Variants in SEMA6B observed in about 807,000 individuals in gnomAD.
The protein encoded by SEMA6B is semaphorin-6B.
SEMA6B carries 47 observed loss-of-function variants against 78.6 expected under a neutral mutation model. The observed-to-expected ratio is 0.60, with a 90% CI of 0.47 to 0.76. SEMA6B has a LOEUF of 0.76. Ranked by LOEUF, SEMA6B falls within the 30% of genes least tolerant of loss-of-function variation. The probability of loss-of-function intolerance (pLI) is 0.00; values close to 1 mark genes in which losing one functional copy is unlikely to be tolerated. For missense variants in SEMA6B, 1,213 were observed against 1,269.9 expected (o/e 0.96, Z 0.68); for synonymous variants, 632 against 592.2 (o/e 1.07, Z -0.98).
Position 4,547,841 on chromosome 19 carries a change from C to A in SEMA6B, c.1601+186G>T, listed in dbSNP as rs549656474. 5.9e-5 allele frequency among the ~76,000 whole-genome samples: 9 copies of A among 152,330 alleles called. No homozygotes were observed. The South Asian group carries it at 1.4e-3, about 25-fold the overall frequency. ...CTTGCTCACTGTGCTCCAGCCACAC[C>A]GGCCACCTTGCTGTTCTTCCAACAC... On this transcript the variant is annotated intron_variant, in intron 14 of 16. Transcript: ENST00000586582.
rs982427013 is a variant in SEMA6B, at chr19:4,542,845, G to A, written c.*756C>T. The A allele has an allele frequency of 7.1e-6, 5 of 701,714 alleles. No individual in the cohort carries two copies. Among genetic ancestry groups the A allele is most frequent in the African/African-American group, 1.8e-5 (1 of 57,142 alleles). The allele number at this position is 701,714 out of a possible 1,614,324, so 43.5% of individuals were successfully genotyped here. ...CTGCTGCCGATGTGACTTCCGGGCA[G>A]GCCCTCCTCGTGTCTCCTGCCTGAA... On this transcript the variant is annotated 3_prime_UTR_variant, in exon 17 of 17. Coordinates refer to ENST00000586582, the MANE Select transcript of SEMA6B (RefSeq NM_032108.4).
chr19:4,543,912 C>G lies in SEMA6B; in HGVS notation c.2356G>C (p.Asp786His), dbSNP rs1977090110. The G allele has an allele frequency of 1.8e-5, 22 of 1,201,984 alleles. No individual in the cohort carries two copies. Among genetic ancestry groups the G allele is most frequent in the Non-Finnish European group, 2.3e-5 (22 of 969,294 alleles). 74.5% of individuals were successfully genotyped at this position (1,201,984 alleles called of 1,614,324 possible). The change falls in exon 17 of 17, where the codon GAC (aspartate) becomes CAC (histidine). Residue 786 changes from aspartate to histidine, a missense_variant. Asp to His is a moderately conservative substitution (Grantham distance 81, BLOSUM62 -1). Coordinates refer to ENST00000586582, the MANE Select transcript of SEMA6B (RefSeq NM_032108.4). ...AARPGRASHG[D>H]FPLTPHASPD... ...CTGGCGTGGGGGGTGAGCGGGAAGTCGCCGTGGGAGGCGCGGCCGGGCCGG... is the reference window on the plus strand; with the variant it reads ...CTGGCGTGGGGGGTGAGCGGGAAGTGGCCGTGGGAGGCGCGGCCGGGCCGG...
intron 14 of SEMA6B, 130 bp from the exon 15 acceptor site, chr19:4,546,599 A>T: frequency 2.6e-6 from 1 of 380,462 alleles, no homozygotes; most frequent in Non-Finnish European, 4.4e-6. Flanking sequence ...TTAATTTTTG[A>T]GACGGAATTT....
At position 4,550,342 on chromosome 19, in the gene SEMA6B, T is replaced by C; in HGVS notation, c.1122-70A>G. 3 of 1,532,446 alleles carry C rather than the reference T, an allele frequency of 2.0e-6. No homozygotes were observed. The highest frequency in any genetic ancestry group is 2.8e-5 in the African/African-American group (2 of 72,666). The allele number at this position is 1,532,446 out of a possible 1,614,324, so 94.9% of individuals were successfully genotyped here. A position where few individuals can be genotyped will look rare whatever the true frequency, so the allele number is the denominator to read the frequency against. On this transcript the variant is annotated intron_variant, in intron 11 of 16. Coordinates refer to ENST00000586582, the MANE Select transcript of SEMA6B (RefSeq NM_032108.4). The surrounding 1 kb of genome is among the most constrained non-coding windows in gnomAD (Gnocchi z 6.6). ...ATAAAGGGGCCTGATTCACCAGAGG[T>C]ACCCATTGCTTTGCCCAACGACCCT...
Position 4,557,021 on chromosome 19 carries a change from C to G in SEMA6B, c.307-8G>C. 6.2e-7 allele frequency: 1 copy of G among 1,612,444 alleles called. No individual in the cohort carries two copies. ...AGATCTCCAGGTCAGCTTCTGCAGACAGAGAGAGCTGGTGAGGGGGTAACG... is the reference window on the plus strand; with the variant it reads ...AGATCTCCAGGTCAGCTTCTGCAGAGAGAGAGAGCTGGTGAGGGGGTAACG... On this transcript the variant is annotated splice_polypyrimidine_tract_variant and splice_region_variant and intron_variant, in intron 4 of 16. Coordinates refer to ENST00000586582, the MANE Select transcript of SEMA6B (RefSeq NM_032108.4).
At position 4,555,677 on chromosome 19, in the gene SEMA6B, G is replaced by A. The variant is rs1346595241; in HGVS notation, c.472-113C>T. ...CCTGATCCACCACGGATTACTGTGT[G>A]ACCTTGGCCACTCACTTAACCTCTC... On this transcript the variant is annotated intron_variant, in intron 6 of 16. Coordinates refer to ENST00000586582, the MANE Select transcript of SEMA6B (RefSeq NM_032108.4). This position sits in a 1 kb window ranked among gnomAD's most constrained non-coding sequence, Gnocchi z 6.1. The A allele has an allele frequency of 1.1e-6, 1 of 873,456 alleles. No individual in the cohort carries two copies. The highest frequency in any genetic ancestry group is 1.7e-5 in the African/African-American group (1 of 59,202). 54.1% of individuals were successfully genotyped at this position (873,456 alleles called of 1,614,324 possible).
In SEMA6B at chr19:4,548,432, G is replaced by A. The variant is rs368632736; in HGVS notation, c.1285C>T (p.Arg429Ter). The change falls in exon 13 of 17, where the codon CGA becomes TGA. Residue 429 changes from arginine to a stop codon, truncating the protein, a stop_gained. Transcript: ENST00000586582. LOFTEE classifies it high-confidence loss of function. Reference sequence around the variant, plus strand: ...CCGGCTCCCACGTCCACAGCCACTCGAGTCAGCTGGTGCCTGGGGGACAGG... The same window carrying A: ...CCGGCTCCCACGTCCACAGCCACTCAAGTCAGCTGGTGCCTGGGGGACAGG... Reference protein sequence around the residue: ...LRTLMRHQLTRVAVDVGAGPW... With the variant: ...LRTLMRHQLT 2 of 1,612,066 alleles carry A rather than the reference G, an allele frequency of 1.2e-6. No individual in the cohort carries two copies. Among genetic ancestry groups the A allele is most frequent in the Non-Finnish European group, 1.7e-6 (2 of 1,179,272 alleles).
intron 5 of SEMA6B, among the ~76,000 whole-genome samples, chr19:4,556,452 A>G (rs576981255): frequency 8.0e-6 from 1 of 124,272 alleles, no homozygotes; most frequent in South Asian, 2.9e-4. Context: ...GTTATAGCTG[A>G]TTGGGGCCAA....
rs1399036218 is a variant in SEMA6B at position 4,550,399 on chromosome 19, G to T, written c.1122-127C>A. 1 of 1,041,368 alleles carries T rather than the reference G, an allele frequency of 9.6e-7. No homozygotes were observed. The highest frequency in any genetic ancestry group is 2.3e-5 in the Admixed American group (1 of 43,156). The allele number at this position is 1,041,368 out of a possible 1,614,324, so 64.5% of individuals were successfully genotyped here. ...TTTTGTTTGTTTTGTTTTTGAGACA[G>T]AGTCTCAATCTGTCGCCCAGGCTGG... On this transcript the variant is annotated intron_variant, in intron 11 of 16. Coordinates refer to ENST00000586582, the MANE Select transcript of SEMA6B (RefSeq NM_032108.4). This position sits in a 1 kb window ranked among gnomAD's most constrained non-coding sequence, Gnocchi z 6.6.
rs756997393 is a variant in SEMA6B at position 4,542,717 on chromosome 19, A to C, written c.*884T>G. The C allele has an allele frequency of 1.5e-6, 1 of 685,964 alleles. No homozygotes were observed. The allele number at this position is 685,964 out of a possible 1,614,324, so 42.5% of individuals were successfully genotyped here. On this transcript the variant is annotated 3_prime_UTR_variant, in exon 17 of 17. Transcript: ENST00000586582. ...TGGAGGTCAGAGGGGGGAGGTCACAAGGGGACGGGTGGCATGGGACTCTCT... is the reference window on the plus strand; with the variant it reads ...TGGAGGTCAGAGGGGGGAGGTCACACGGGGACGGGTGGCATGGGACTCTCT...
At chr19:4,546,310 C>T in intron 15 of SEMA6B, 36 bp from the exon 16 acceptor site, 10 of 1,610,134 alleles carry the variant, frequency 6.2e-6, no homozygotes, top group Non-Finnish European at 8.5e-6. Context: ...GCAGAGGCCC[C>T]TCTCACAGTC....
In SEMA6B at chr19:4,542,831, G is replaced by A; in HGVS notation, c.*770C>T. 1 of 701,018 alleles carries A rather than the reference G, an allele frequency of 1.4e-6. No individual in the cohort carries two copies. Among genetic ancestry groups the A allele is most frequent in the Non-Finnish European group, 2.6e-6 (1 of 384,316 alleles). 43.4% of individuals were successfully genotyped at this position (701,018 alleles called of 1,614,324 possible). On this transcript the variant is annotated 3_prime_UTR_variant, in exon 17 of 17. Coordinates refer to ENST00000586582, the MANE Select transcript of SEMA6B (RefSeq NM_032108.4). The stretch of plus-strand genomic sequence containing the variant: ...AGCCCTTTAGACAGCTGCTGCCGAT[G>A]TGACTTCCGGGCAGGCCCTCCTCGT...
rs1320524167 is a variant in SEMA6B at position 4,550,050 on chromosome 19, C to T, written c.1271+73G>A. The T allele has an allele frequency of 2.7e-6, 4 of 1,487,810 alleles. No individual in the cohort carries two copies. The highest frequency in any genetic ancestry group is 3.7e-6 in the Non-Finnish European group (4 of 1,080,386). 92.2% of individuals were successfully genotyped at this position (1,487,810 alleles called of 1,614,324 possible). A position where few individuals can be genotyped will look rare whatever the true frequency, so the allele number is the denominator to read the frequency against. ...AAGCCATGGGCTCATCTGTGTTGAG[C>T]ATCTGGATCCTCTCACCCTCCATCT... On this transcript the variant is annotated intron_variant, in intron 12 of 16. Transcript: ENST00000586582. The surrounding 1 kb of genome is among the most constrained non-coding windows in gnomAD (Gnocchi z 6.6).
In SEMA6B at chr19:4,552,485, G is replaced by A. The variant is rs1254188340; in HGVS notation, c.926C>T (p.Thr309Met). Residue 309 changes from threonine (T) to methionine (M), a missense_variant, in exon 10 of 17, where the codon ACG (threonine) becomes ATG (methionine). Physicochemically the swap from Thr to Met is moderately conservative, Grantham distance 81. Transcript: ENST00000586582. The surrounding 1 kb of genome is among the most constrained non-coding windows in gnomAD (Gnocchi z 7.4). ...CCGGCCCCCGAGGCTGACCACGCCCGTGACAGCCTGCAGCACGTTGAAGTA... is the reference window on the plus strand; with the variant it reads ...CCGGCCCCCGAGGCTGACCACGCCCATGACAGCCTGCAGCACGTTGAAGTA... ...HFYFNVLQAV[T>M]GVVSLGGRPV... 8 of 1,611,390 alleles carry A rather than the reference G, an allele frequency of 5.0e-6. No homozygotes were observed. Among genetic ancestry groups the A allele is most frequent in the Non-Finnish European group, 5.9e-6 (7 of 1,179,370 alleles).
chr19:4,550,221 C>A lies in SEMA6B; in HGVS notation c.1173G>T (p.Leu391Phe). The change falls in exon 12 of 17, where the codon TTG becomes TTT. Residue 391 changes from leucine (L) to phenylalanine (F), a missense_variant. Coordinates refer to ENST00000586582, the MANE Select transcript of SEMA6B (RefSeq NM_032108.4). The surrounding 1 kb of genome is among the most constrained non-coding windows in gnomAD (Gnocchi z 6.6). ...PGMQYNASSA[L>F]PDDILNFVKT... Reference sequence around the variant, plus strand: ...TGACAAAGTTGAGGATGTCATCCGGCAAGGCGCTGGAGGCATTGTACTGCA... The same window carrying A: ...TGACAAAGTTGAGGATGTCATCCGGAAAGGCGCTGGAGGCATTGTACTGCA... 2.5e-6 allele frequency: 4 copies of A among 1,613,694 alleles called. No individual in the cohort carries two copies. Among genetic ancestry groups the A allele is most frequent in the Non-Finnish European group, 3.4e-6 (4 of 1,179,962 alleles).
Position 4,558,461 on chromosome 19 carries a change from G to A in SEMA6B, c.-4C>T, listed in dbSNP as rs979423489. 10 of 1,244,076 alleles carry A rather than the reference G, an allele frequency of 8.0e-6. No individual in the cohort carries two copies. The highest frequency in any genetic ancestry group is 3.1e-5 in the African/African-American group (2 of 64,514). The allele number at this position is 1,244,076 out of a possible 1,614,324, so 77.1% of individuals were successfully genotyped here. A position where few individuals can be genotyped will look rare whatever the true frequency, so the allele number is the denominator to read the frequency against. On this transcript the variant is annotated 5_prime_UTR_variant, in exon 2 of 17. Transcript: ENST00000586582. The surrounding 1 kb of genome is among the most constrained non-coding windows in gnomAD (Gnocchi z 5.1). ...GGGACGCTCGCGGGGTCTGCATGGC[G>A]AGGGCCAGGCGACAGGAGGAGGTGA...
At position 4,552,539 on chromosome 19, in the gene SEMA6B, T is replaced by C; in HGVS notation, c.872A>G (p.Asn291Ser). ...ATGGGAGTCTCCGGGTACAGAGCAG[T>C]TGAGCCGCGCCTTCAGGAAGGACGT... Reference protein sequence around the residue: ...QWTSFLKARLNCSVPGDSHFY... With the variant: ...QWTSFLKARLSCSVPGDSHFY... The change falls in exon 10 of 17, where the codon AAC (asparagine) becomes AGC (serine). Residue 291 changes from asparagine to serine, a missense_variant. Physicochemically the swap from Asn to Ser is conservative, Grantham distance 46. Transcript: ENST00000586582. This position sits in a 1 kb window ranked among gnomAD's most constrained non-coding sequence, Gnocchi z 7.4. The C allele has an allele frequency of 6.2e-7, 1 of 1,612,920 alleles. No homozygotes were observed.
chr19:4,546,366 C>T, intron 15 of SEMA6B, 26 bp downstream of exon 15: 2 of 1,584,642 alleles, frequency 1.3e-6, no homozygotes, highest in Non-Finnish European at 1.7e-6. Flanking sequence ...GACACACCCT[C>T]CACCCACCTC....
In SEMA6B at chr19:4,543,887, C is replaced by A; in HGVS notation, c.2381G>T (p.Ser794Ile). Residue 794 changes from serine to isoleucine, a missense_variant, in exon 17 of 17, where the codon AGC becomes ATC. Coordinates refer to ENST00000586582, the MANE Select transcript of SEMA6B (RefSeq NM_032108.4). ...GGACACCACCCGCCGGCGGTCCGGGCTGGCGTGGGGGGTGAGCGGGAAGTC... is the reference window on the plus strand; with the variant it reads ...GGACACCACCCGCCGGCGGTCCGGGATGGCGTGGGGGGTGAGCGGGAAGTC... ...HGDFPLTPHA[S>I]PDRRRVVSAP... 2.5e-6 allele frequency: 3 copies of A among 1,205,064 alleles called. No individual in the cohort carries two copies. The highest frequency in any genetic ancestry group is 3.1e-6 in the Non-Finnish European group (3 of 971,080). The allele number at this position is 1,205,064 out of a possible 1,614,324, so 74.6% of individuals were successfully genotyped here. A position where few individuals can be genotyped will look rare whatever the true frequency, so the allele number is the denominator to read the frequency against.
Sources: gnomAD v4.1 joint callset for allele counts (sites outside exome capture counted in the v4.1 genomes callset) on GRCh38, gnomAD v4.1.1 for gene constraint, Gnocchi (gnomAD v3.1) non-coding constraint, MANE v1.5 for transcripts, NCBI Gene and HGNC (gene_info 2026-07-23, HGNC 2026-07-21) for gene names.